Variants in TRERF1 observed in about 807,000 individuals in gnomAD.
The protein encoded by TRERF1 is transcriptional regulating factor 1, also known as transcriptional-regulating factor 1.
Under a neutral mutation model 122.9 loss-of-function variants are expected in TRERF1, and 27 were observed. That is an observed-to-expected ratio of 0.22 (90% CI 0.16 to 0.30). The LOEUF (loss-of-function observed/expected upper bound fraction) is 0.30. Ranked by LOEUF, TRERF1 falls within the 10% of genes least tolerant of loss-of-function variation. The pLI is 1.00. For missense variants in TRERF1, 1,248 were observed against 1,560.3 expected (o/e 0.80, Z 3.37); for synonymous variants, 636 against 641.7 (o/e 0.99, Z 0.13).
chr6:42,446,724 C>T (rs756839569), intron 2 of TRERF1, among the ~76,000 whole-genome samples: 5 of 151,982 alleles, frequency 3.3e-5, no homozygotes, highest in African/African-American at 9.7e-5. Context: ...GTTCCGCAGC[C>T]GGGTGTGGTG....
intron 9 of TRERF1, 124 bp from the exon 10 acceptor site, chr6:42,258,325 T>G (rs1777133956): frequency 1.2e-6 from 1 of 828,546 alleles, no homozygotes; most frequent in Non-Finnish European, 2.0e-6. Context: ...CCTGCCAGAG[T>G]TATCCTTGAC....
chr6:42,246,349 A>T lies in TRERF1; in HGVS notation c.2745+107T>A, dbSNP rs1056320789. The T allele has an allele frequency of 4.5e-6, 4 of 884,942 alleles. No individual in the cohort carries two copies. The African/African-American group carries it at 5.1e-5, about 11-fold the overall frequency. 54.8% of individuals were successfully genotyped at this position (884,942 alleles called of 1,614,324 possible). ...ATCCTCACCAGCGAGTGTGGAAGAC[A>T]TCCTTTTTGTAAGTATCTTAAACCA... On this transcript the variant is annotated intron_variant, in intron 14 of 17. Transcript: ENST00000372922.
chr6:42,384,903 C>A (rs1776539320), intron 2 of TRERF1, among the ~76,000 whole-genome samples: 1 of 151,966 alleles, frequency 6.6e-6, no homozygotes, highest in South Asian at 2.1e-4. Context: ...CTCCTGGGTT[C>A]AAGCAATTCT....
At chr6:42,352,060 A>C (rs749523107) in intron 3 of TRERF1, among the ~76,000 whole-genome samples, 4 of 152,160 alleles carry the variant, frequency 2.6e-5, no homozygotes, top group Non-Finnish European at 5.9e-5. Context: ...GCTGGAGTAC[A>C]GTGGCATGAT....
chr6:42,254,444 G>A (rs1463792488), intron 13 of TRERF1, among the ~76,000 whole-genome samples: 1 of 152,214 alleles, frequency 6.6e-6, no homozygotes, highest in East Asian at 1.9e-4. Flanking sequence ...TGGAATACAA[G>A]TCTCATTTTA....
intron 3 of TRERF1, among the ~76,000 whole-genome samples, chr6:42,340,734 G>C (rs369108818): frequency 6.6e-6 from 1 of 152,126 alleles, no homozygotes; most frequent in Non-Finnish European, 1.5e-5. Context: ...CTGAGTAGCT[G>C]CGACTACAGA....
intron 9 of TRERF1, among the ~76,000 whole-genome samples, 161 bp from the exon 10 acceptor site, chr6:42,258,362 G>C (rs1014923719): frequency 8.5e-5 from 13 of 152,220 alleles, no homozygotes; most frequent in Admixed American, 2.6e-4. Context: ...GGTGGAGTAT[G>C]GTGCAAAATA....
At chr6:42,233,054 C>A (rs921479656) in intron 16 of TRERF1, 126 bp from the exon 17 acceptor site, 12 of 982,300 alleles carry the variant, frequency 1.2e-5, no homozygotes, top group Non-Finnish European at 1.6e-5. Flanking sequence ...AGGTAAAGAT[C>A]AAATACCACA....
At chr6:42,403,863 C>T (rs1779778464) in intron 2 of TRERF1, among the ~76,000 whole-genome samples, 1 of 152,178 alleles carries the variant, frequency 6.6e-6, no homozygotes, top group Non-Finnish European at 1.5e-5. Flanking sequence ...TGTCCACTGT[C>T]CATGCTTTCC....
chr6:42,250,644 T>C (rs1337000029), intron 13 of TRERF1, among the ~76,000 whole-genome samples: 1 of 152,006 alleles, frequency 6.6e-6, no homozygotes, highest in Admixed American at 6.6e-5. Flanking sequence ...GCACACAGGG[T>C]TCGTGGGTTG....
At chr6:42,355,218 T>C (rs1770276374) in intron 3 of TRERF1, among the ~76,000 whole-genome samples, 1 of 152,218 alleles carries the variant, frequency 6.6e-6, no homozygotes. Flanking sequence ...ATATTCCTTA[T>C]AATATTAAAG....
chr6:42,296,507 G>T (rs1234685686), intron 4 of TRERF1, among the ~76,000 whole-genome samples: 1 of 152,158 alleles, frequency 6.6e-6, no homozygotes, highest in Non-Finnish European at 1.5e-5. Context: ...TTAAGTCCTT[G>T]AATAGCTCTA....
chr6:42,420,401 C>T (rs1039767853), intron 2 of TRERF1, among the ~76,000 whole-genome samples: 1 of 152,172 alleles, frequency 6.6e-6, no homozygotes, highest in African/African-American at 2.4e-5. Flanking sequence ...CCAATCGCCT[C>T]CCGTGGTCCA....
chr6:42,271,094 A>G (rs1477855043), intron 4 of TRERF1, among the ~76,000 whole-genome samples: 1 of 149,770 alleles, frequency 6.7e-6, no homozygotes, highest in African/African-American at 2.5e-5. Context: ...CTGAGGCAGG[A>G]GATTCACTTG....
At chr6:42,322,828 C>T (rs79708100) in intron 3 of TRERF1, among the ~76,000 whole-genome samples, 21,939 of 151,956 alleles carry the variant, frequency 0.14, 3,167 homozygotes, top group African/African-American at 0.37. Flanking sequence ...GGGGGATTAA[C>T]GCTCCCTGCT....
intron 2 of TRERF1, among the ~76,000 whole-genome samples, chr6:42,447,867 G>T (rs1787813608): frequency 6.6e-6 from 1 of 152,066 alleles, no homozygotes; most frequent in South Asian, 2.1e-4. Flanking sequence ...ATCATGCCCA[G>T]CTAATTTTTG....
chr6:42,408,252 T>TACACATGTGTGTGTATGTATATATACAC (rs1562152701), intron 2 of TRERF1, among the ~76,000 whole-genome samples: 1 of 90,560 alleles, frequency 1.1e-5, no homozygotes, highest in East Asian at 3.4e-4. Context: ...TATATATACA[T>TACACATGTGTGTGTATGTATATATACAC]ACACATGTGT....
rs1445871141 is a variant in TRERF1 at position 42,275,323 on chromosome 6, G to A, written c.-258-5475C>T. Among the ~76,000 whole-genome samples, 1 of 152,188 alleles carries A rather than the reference G, an allele frequency of 6.6e-6. No individual in the cohort carries two copies. The highest frequency in any genetic ancestry group is 1.5e-5 in the Non-Finnish European group (1 of 68,038). On this transcript the variant is annotated intron_variant, in intron 4 of 17. Transcript: ENST00000372922. The surrounding 1 kb of genome is among the most constrained non-coding windows in gnomAD (Gnocchi z 4.1). Reference sequence around the variant, plus strand: ...CATTCATGAACTAATTAACAGAACTGCTACCTTCCCATTTCTTCGGTCAAT... The same window carrying A: ...CATTCATGAACTAATTAACAGAACTACTACCTTCCCATTTCTTCGGTCAAT...
intron 15 of TRERF1, among the ~76,000 whole-genome samples, chr6:42,240,278 A>G (rs975813028): frequency 4.6e-5 from 7 of 152,222 alleles, no homozygotes; most frequent in Admixed American, 2.0e-4. Context: ...GTATTATGCC[A>G]GGCACTGTGC....
Sources: gnomAD v4.1 joint callset for allele counts (sites outside exome capture counted in the v4.1 genomes callset) on GRCh38, gnomAD v4.1.1 for gene constraint, Gnocchi (gnomAD v3.1) non-coding constraint, MANE v1.5 for transcripts, NCBI Gene and HGNC (gene_info 2026-07-23, HGNC 2026-07-21) for gene names.